The following RIMKLB variants were observed in gnomAD, a reference collection of about 807,000 sequenced individuals.
The protein encoded by RIMKLB is ribosomal modification protein rimK like family member B.
Under a neutral mutation model 32.0 loss-of-function variants are expected in RIMKLB, and 7 were observed. The ratio of observed to expected loss-of-function variants is 0.22; its 90% CI spans 0.12 to 0.41. The LOEUF (loss-of-function observed/expected upper bound fraction) is 0.41. Ranked by LOEUF, RIMKLB falls within the 10% of genes least tolerant of loss-of-function variation. The pLI is 1.00. For missense variants in RIMKLB, 289 were observed against 498.7 expected (o/e 0.58, Z 4.00); for synonymous variants, 172 against 185.1 (o/e 0.93, Z 0.57).
intron 1 of RIMKLB, among the ~76,000 whole-genome samples, chr12:8,711,673 C>T (rs1272899041): frequency 6.6e-6 from 1 of 151,812 alleles, no homozygotes; most frequent in Non-Finnish European, 1.5e-5. Context: ...TCCCCCCTCC[C>T]CCAAACATTT....
chr12:8,686,258 C>A (rs35797444), intron 1 of RIMKLB, among the ~76,000 whole-genome samples: 12 of 151,336 alleles, frequency 7.9e-5, no homozygotes, highest in Non-Finnish European at 1.5e-5. Flanking sequence ...CCCTCTCCCC[C>A]TTCCCTCCCC....
chr12:8,777,470 G>C, downstream of RIMKLB: 3 of 1,108,234 alleles, frequency 2.7e-6, no homozygotes, highest in Non-Finnish European at 3.3e-6. Context: ...CCTAACTCTA[G>C]TGAAAATTCT....
At chr12:8,717,012 G>A (rs1490270055) in intron 2 of RIMKLB, among the ~76,000 whole-genome samples, 4 of 143,846 alleles carry the variant, frequency 2.8e-5, no homozygotes, top group Non-Finnish European at 4.6e-5. Context: ...CAGACTTTTT[G>A]TTGATGTGTC....
chr12:8,710,838 C>T (rs757738854), intron 1 of RIMKLB, among the ~76,000 whole-genome samples: 3 of 151,924 alleles, frequency 2.0e-5, no homozygotes, highest in Non-Finnish European at 2.9e-5. Context: ...TGAAATTAAT[C>T]ATTGATTGGC....
chr12:8,686,857 T>A (rs1215371224), intron 1 of RIMKLB, among the ~76,000 whole-genome samples: 1 of 152,156 alleles, frequency 6.6e-6, no homozygotes, highest in Non-Finnish European at 1.5e-5. Context: ...CCTATGCAGA[T>A]TTGGAGAGGG....
intron 5 of RIMKLB, among the ~76,000 whole-genome samples, chr12:8,759,909 T>G (rs780116761): frequency 1.3e-5 from 2 of 152,234 alleles, no homozygotes; most frequent in Non-Finnish European, 2.9e-5. Context: ...GGGATGATTG[T>G]CAGATTTTAT....
chr12:8,703,115 A>G (rs1943542929), intron 1 of RIMKLB, among the ~76,000 whole-genome samples: 1 of 152,080 alleles, frequency 6.6e-6, no homozygotes. Context: ...GCGAAAACCC[A>G]TGTCTACTAA....
chr12:8,681,609 C>T (rs778374596), exon 1 of RIMKLB: 3 of 152,290 alleles, frequency 2.0e-5, no homozygotes, highest in South Asian at 2.1e-4. Flanking sequence ...CACTGACCTT[C>T]GGGAAGCAGG....
At chr12:8,705,497 A>G (rs930069818) in intron 1 of RIMKLB, among the ~76,000 whole-genome samples, 1 of 150,978 alleles carries the variant, frequency 6.6e-6, no homozygotes, top group Non-Finnish European at 1.5e-5. Context: ...AAAAAAAAGT[A>G]AAATGCCGGT....
downstream of RIMKLB, chr12:8,777,828 T>C (rs1950823151): frequency 2.4e-6 from 1 of 420,738 alleles, no homozygotes; most frequent in African/African-American, 2.2e-5. Flanking sequence ...CTCCTTTCTT[T>C]CCATCACTAG....
intron 5 of RIMKLB, among the ~76,000 whole-genome samples, chr12:8,755,785 G>A (rs1224195068): frequency 6.6e-6 from 1 of 152,110 alleles, no homozygotes; most frequent in Admixed American, 6.5e-5. Flanking sequence ...GAGGCAGGAA[G>A]ATCATCCTGA....
chr12:8,687,490 T>TC (rs993540487), intron 1 of RIMKLB, among the ~76,000 whole-genome samples: 1 of 152,196 alleles, frequency 6.6e-6, no homozygotes, highest in Non-Finnish European at 1.5e-5. Context: ...TCATACTTTT[T>TC]CCTCTTTTCT....
intron 5 of RIMKLB, among the ~76,000 whole-genome samples, chr12:8,764,380 C>T (rs1370704226): frequency 6.6e-6 from 1 of 152,136 alleles, no homozygotes; most frequent in Non-Finnish European, 1.5e-5. Context: ...CTTGCTTTTG[C>T]TAGAATGTCT....
At chr12:8,673,415 T>A in the RIMKLB span, among the ~76,000 whole-genome samples, 1 of 152,110 alleles carries the variant, frequency 6.6e-6, no homozygotes, top group African/African-American at 2.4e-5. Flanking sequence ...CAATAATGAT[T>A]ATTTTTCTTG....
At chr12:8,758,098 G>C (rs995897576) in intron 5 of RIMKLB, among the ~76,000 whole-genome samples, 2 of 151,910 alleles carry the variant, frequency 1.3e-5, no homozygotes, top group Admixed American at 6.6e-5. Flanking sequence ...CGCCTGGCCT[G>C]TCATGTCATT....
upstream of RIMKLB, among the ~76,000 whole-genome samples, chr12:8,694,924 T>C (rs1375277148): frequency 3.9e-5 from 6 of 152,272 alleles, no homozygotes; most frequent in Admixed American, 6.5e-5. Context: ...TATCAGTTAG[T>C]CTTGAATAAT....
At position 8,776,599 on chromosome 12, in the gene RIMKLB, C is replaced by CTTAT; in HGVS notation, c.*2815_*2816insTTAT. 5 of 847,760 alleles carry CTTAT rather than the reference C, an allele frequency of 5.9e-6. No homozygotes were observed. Among genetic ancestry groups the CTTAT allele is most frequent in the Non-Finnish European group, 7.1e-6 (5 of 704,896 alleles). 52.5% of individuals were successfully genotyped at this position (847,760 alleles called of 1,614,324 possible). Reference sequence around the variant, plus strand: ...ATTATTTCTGATATTGTTTTTATGTCACCCATGATGAAAACTGGACTTTAT... The same window carrying CTTAT: ...ATTATTTCTGATATTGTTTTTATGTCTTATACCCATGATGAAAACTGGACTTTAT... On this transcript the variant is annotated 3_prime_UTR_variant, in exon 6 of 6. Transcript: ENST00000535829.
intron 5 of RIMKLB, among the ~76,000 whole-genome samples, chr12:8,768,805 G>C (rs936058998): frequency 9.9e-5 from 15 of 152,074 alleles, no homozygotes; most frequent in Admixed American, 8.5e-4. Flanking sequence ...ATTTCTTTTA[G>C]GTTTCCAGTT....
the RIMKLB span, among the ~76,000 whole-genome samples, chr12:8,674,990 A>G: frequency 1.3e-5 from 2 of 150,382 alleles, no homozygotes; most frequent in African/African-American, 4.9e-5. Flanking sequence ...CAGCCTCCCG[A>G]GTAGCCGGGA....
Sources: allele counts gnomAD v4.1 joint callset (sites outside exome capture counted in the v4.1 genomes callset), GRCh38; gene constraint gnomAD v4.1.1; transcripts MANE v1.5; gene names NCBI Gene and HGNC (gene_info 2026-07-23, HGNC 2026-07-21).